The following BCAS3 variants were observed in gnomAD, a reference collection of about 807,000 sequenced individuals.
The protein encoded by BCAS3 is BCAS4/BCAS3 fusion.
In BCAS3, 53 loss-of-function variants were observed where a neutral mutation model predicts 116.1. That is an observed-to-expected ratio of 0.46 (90% CI 0.37 to 0.57). The LOEUF (loss-of-function observed/expected upper bound fraction) is 0.57. BCAS3 is among the 20% of genes least tolerant of loss of function. BCAS3 has a pLI of 0.00. For synonymous variants in BCAS3, 391 were observed against 408.2 expected, an observed-to-expected ratio of 0.96 and a Z score of 0.51; for missense variants, 917 against 1,165.4, an observed-to-expected ratio of 0.79 and a Z score of 3.10.
chr17:61,322,781 T>TGAGAGAGAGAGACAGAGAGAGAGAGAGA, intron 22 of BCAS3, among the ~76,000 whole-genome samples: 1 of 121,272 alleles, frequency 8.2e-6, no homozygotes, highest in South Asian at 2.5e-4. Context: ...AAGCCTCTCT[T>TGAGAGAGAGAGACAGAGAGAGAGAGAGA]GAGAGAGAGA....
At chr17:60,787,826 G>T (rs374616827) in intron 6 of BCAS3, among the ~76,000 whole-genome samples, 1 of 152,026 alleles carries the variant, frequency 6.6e-6, no homozygotes, top group Non-Finnish European at 1.5e-5. Context: ...ACTCCAGTAT[G>T]GGTGCAGAGT....
intron 22 of BCAS3, among the ~76,000 whole-genome samples, chr17:61,305,354 A>G (rs1323388231): frequency 6.6e-6 from 1 of 152,100 alleles, no homozygotes; most frequent in African/African-American, 2.4e-5. Context: ...GTGAGCCCAA[A>G]GCAGTAGTGA....
Position 60,886,452 on chromosome 17 carries a change from G to A in BCAS3, c.662-3243G>A, listed in dbSNP as rs575562925. On this transcript the variant is annotated intron_variant, in intron 9 of 23. Transcript: ENST00000407086. ...AGCCTTCTTCTCTCAGCTTGTCAAA[G>A]TCATTCTCCATCCACCTTTGTTCCG... The A allele has an allele frequency of 3.3e-5, 5 of 152,320 alleles. No individual in the cohort carries two copies. The East Asian group carries it at 9.7e-4, about 29-fold the overall frequency. 9.4% of individuals were successfully genotyped at this position (152,320 alleles called of 1,614,324 possible).
intron 22 of BCAS3, among the ~76,000 whole-genome samples, chr17:61,191,583 G>A (rs534731845): frequency 2.0e-5 from 3 of 151,940 alleles, no homozygotes; most frequent in African/African-American, 7.2e-5. Context: ...AGACCATGCT[G>A]GCTAACATGG....
At chr17:61,044,465 A>AAAAAAATATATAT in intron 19 of BCAS3, among the ~76,000 whole-genome samples, 2 of 120,120 alleles carry the variant, frequency 1.7e-5, no homozygotes, top group South Asian at 2.3e-4. Flanking sequence ...AAAAAAAAAA[A>AAAAAAATATATAT]ATATATATAT....
chr17:60,751,791 C>T (rs1268593422), intron 6 of BCAS3, among the ~76,000 whole-genome samples: 1 of 152,110 alleles, frequency 6.6e-6, no homozygotes, highest in Non-Finnish European at 1.5e-5. Context: ...GATCCACCTG[C>T]CTCGGCCTTC....
intron 6 of BCAS3, among the ~76,000 whole-genome samples, chr17:60,762,511 G>A (rs2043640881): frequency 6.6e-6 from 1 of 152,166 alleles, no homozygotes; most frequent in South Asian, 2.1e-4. Context: ...GATGGTTGTA[G>A]ATGTGTGTTG....
chr17:61,337,897 G>A lies in BCAS3; in HGVS notation c.2426-30430G>A, dbSNP rs2056847690. On this transcript the variant is annotated intron_variant, in intron 22 of 23. Coordinates refer to ENST00000407086, the MANE Select transcript of BCAS3 (RefSeq NM_017679.5). This position sits in a 1 kb window ranked among gnomAD's most constrained non-coding sequence, Gnocchi z 4.8. The stretch of plus-strand genomic sequence containing the variant: ...TAGTTCTATCCCATTTTATAGTTGA[G>A]GAAACCAAGGCTCGGTGAGGTAAAG... Among the ~76,000 whole-genome samples the A allele has an allele frequency of 6.6e-6, 1 of 152,156 alleles. No homozygotes were observed. Among genetic ancestry groups the A allele is most frequent in the African/African-American group, 2.4e-5 (1 of 41,428 alleles).
chr17:60,842,164 T>C (rs1440190414), intron 7 of BCAS3, among the ~76,000 whole-genome samples: 1 of 152,206 alleles, frequency 6.6e-6, no homozygotes, highest in Non-Finnish European at 1.5e-5. Context: ...TTTGATATCC[T>C]TTTCTGCTTT....
chr17:60,780,740 A>G (rs1032866607), intron 6 of BCAS3, among the ~76,000 whole-genome samples: 3 of 152,216 alleles, frequency 2.0e-5, no homozygotes, highest in African/African-American at 7.2e-5. Context: ...TGTGTTGCAG[A>G]GCTTCCTATT....
intron 5 of BCAS3, among the ~76,000 whole-genome samples, chr17:60,743,813 T>G (rs944831646): frequency 6.6e-6 from 1 of 152,188 alleles, no homozygotes; most frequent in African/African-American, 2.4e-5. Context: ...ATTATTGTCT[T>G]AGCTGTTGTA....
At chr17:60,812,138 TA>T (rs2048890802) in intron 7 of BCAS3, among the ~76,000 whole-genome samples, 1 of 152,186 alleles carries the variant, frequency 6.6e-6, no homozygotes, top group Admixed American at 6.5e-5. Flanking sequence ...AGTTTTTGTC[TA>T]AATGTTTGTA....
intron 6 of BCAS3, among the ~76,000 whole-genome samples, chr17:60,795,050 A>G (rs368305689): frequency 8.0e-4 from 122 of 152,142 alleles, no homozygotes; most frequent in African/African-American, 2.3e-3. Flanking sequence ...AGCATGGGAT[A>G]TGTCTCCATT....
intron 19 of BCAS3, chr17:61,070,389 A>ATATATATATATATATC (rs2071278725): frequency 5.8e-6 from 1 of 172,360 alleles, no homozygotes; most frequent in African/African-American, 2.8e-5. Flanking sequence ...ATATATATAT[A>ATATATATATATATATC]TATATATATA....
At chr17:60,813,619 A>G (rs2049052162) in intron 7 of BCAS3, among the ~76,000 whole-genome samples, 1 of 152,186 alleles carries the variant, frequency 6.6e-6, no homozygotes. Context: ...AGGTCTGTAG[A>G]TTGTTTGCTC....
intron 22 of BCAS3, among the ~76,000 whole-genome samples, chr17:61,111,025 C>A (rs2075053298): frequency 6.6e-6 from 1 of 151,656 alleles, no homozygotes; most frequent in Admixed American, 6.6e-5. Flanking sequence ...AGCTGAGGGT[C>A]CTGTCTGTTA....
At chr17:61,207,584 C>G (rs1429227035) in intron 22 of BCAS3, among the ~76,000 whole-genome samples, 1 of 151,784 alleles carries the variant, frequency 6.6e-6, no homozygotes, top group Admixed American at 6.6e-5. Flanking sequence ...GATGGCTTCC[C>G]TATGGATGTT....
chr17:61,268,213 C>T (rs1408166479), intron 22 of BCAS3, among the ~76,000 whole-genome samples: 3 of 152,116 alleles, frequency 2.0e-5, no homozygotes, highest in African/African-American at 7.2e-5. Flanking sequence ...ACTACTCAGA[C>T]TTGCAAATTA....
Position 61,204,891 on chromosome 17 carries a change from A to G in BCAS3, c.2425+120327A>G, listed in dbSNP as rs577403578. ...ACAGGGCAAAACACCTTCTCAACAA[A>G]AAATATAGAAATTAGCCTGGCGTGG... On this transcript the variant is annotated intron_variant, in intron 22 of 23. Transcript: ENST00000407086. The surrounding 1 kb of genome is among the most constrained non-coding windows in gnomAD (Gnocchi z 4.2). Among the ~76,000 whole-genome samples, 182 of 152,298 alleles carry G rather than the reference A, an allele frequency of 1.2e-3. No homozygotes were observed. The highest frequency in any genetic ancestry group is 2.0e-3 in the Non-Finnish European group (133 of 68,024).
Sources: gnomAD v4.1 joint callset for allele counts (sites outside exome capture counted in the v4.1 genomes callset) on GRCh38, gnomAD v4.1.1 for gene constraint, Gnocchi (gnomAD v3.1) non-coding constraint, MANE v1.5 for transcripts, NCBI Gene and HGNC (gene_info 2026-07-23, HGNC 2026-07-21) for gene names.